C13orf42: variants seen among roughly 807,000 people sequenced by gnomAD.
The protein encoded by C13orf42 is uncharacterized protein C13orf42.
chr13:51,131,427 A>G (rs1335987297), intron 1 of C13orf42, among the ~76,000 whole-genome samples: 3 of 148,890 alleles, frequency 2.0e-5, no homozygotes, highest in African/African-American at 7.4e-5. Flanking sequence ...CTGGCCTCAC[A>G]CCTTGTCTAC....
chr13:51,096,396 G>A (rs535436481), intron 1 of C13orf42, among the ~76,000 whole-genome samples: 1 of 152,298 alleles, frequency 6.6e-6, no homozygotes, highest in South Asian at 2.1e-4. Flanking sequence ...TTGTAAGGTT[G>A]AGAGTGACAT....
intron 1 of C13orf42, among the ~76,000 whole-genome samples, chr13:51,159,824 C>A (rs1423564669): frequency 6.6e-6 from 1 of 152,104 alleles, no homozygotes; most frequent in Non-Finnish European, 1.5e-5. Context: ...TTCATTTTGA[C>A]GCTGCTGATA....
intron 1 of C13orf42, among the ~76,000 whole-genome samples, chr13:51,102,696 G>A (rs1953306840): frequency 6.6e-6 from 1 of 152,172 alleles, no homozygotes; most frequent in Non-Finnish European, 1.5e-5. Context: ...TGACTGTGGT[G>A]AGTGACCAGT....
intron 1 of C13orf42, among the ~76,000 whole-genome samples, chr13:51,120,223 A>G (rs1053279382): frequency 2.0e-5 from 3 of 152,176 alleles, no homozygotes; most frequent in African/African-American, 7.2e-5. Flanking sequence ...ATCTCACTGA[A>G]TCCTATAACT....
At chr13:51,100,890 G>A (rs186522055) in intron 1 of C13orf42, among the ~76,000 whole-genome samples, 171 of 152,262 alleles carry the variant, frequency 1.1e-3, no homozygotes, top group African/African-American at 3.4e-3. Context: ...GCAATTGTTT[G>A]TAGAAGGTGA....
intron 1 of C13orf42, among the ~76,000 whole-genome samples, chr13:51,132,916 ATGATGAGAGTGACCAC>A (rs1953629240): frequency 6.6e-6 from 1 of 152,222 alleles, no homozygotes; most frequent in Admixed American, 6.5e-5. Flanking sequence ...AACCAAGATG[ATGATGAGAGTGACCAC>A]TGGTCGTCCT....
intron 1 of C13orf42, among the ~76,000 whole-genome samples, chr13:51,142,738 G>A (rs1953705366): frequency 6.6e-6 from 1 of 151,532 alleles, no homozygotes; most frequent in Non-Finnish European, 1.5e-5. Flanking sequence ...AATATGTAAA[G>A]AAAGTAATAC....
intron 1 of C13orf42, among the ~76,000 whole-genome samples, chr13:51,105,236 G>C (rs932595211): frequency 6.6e-6 from 1 of 152,182 alleles, no homozygotes; most frequent in Non-Finnish European, 1.5e-5. Flanking sequence ...CTCTCACTAA[G>C]ATGCAGTTCA....
chr13:51,114,152 A>C (rs1230931694), upstream of C13orf42, among the ~76,000 whole-genome samples: 2 of 152,244 alleles, frequency 1.3e-5, no homozygotes, highest in Non-Finnish European at 2.9e-5. Context: ...GCCTGCTCCT[A>C]GATGAGCCTG....
intron 2 of C13orf42, among the ~76,000 whole-genome samples, chr13:51,085,763 A>C (rs1343492254): frequency 3.3e-5 from 5 of 152,218 alleles, no homozygotes; most frequent in Non-Finnish European, 4.4e-5. Context: ...AAAAATGGGG[A>C]CATAGGCCAG....
rs1248066486 is a variant in C13orf42, at chr13:51,082,971, C to T, written c.*1180G>A. ...TAAGAATATCATCCCACAGGCATGG[C>T]AGAAAGGAAGCCTCTGTTCAGTTCT... On this transcript the variant is annotated 3_prime_UTR_variant, in exon 4 of 4. Transcript: ENST00000563710. The T allele has an allele frequency of 6.6e-6, 1 of 152,194 alleles. No individual in the cohort carries two copies. The highest frequency in any genetic ancestry group is 1.9e-4 in the East Asian group (1 of 5,204). The allele number at this position is 152,194 out of a possible 1,614,324, so 9.4% of individuals were successfully genotyped here. A position where few individuals can be genotyped will look rare whatever the true frequency, so the allele number is the denominator to read the frequency against.
chr13:51,095,245 A>T (rs942789880), intron 1 of C13orf42, among the ~76,000 whole-genome samples: 1 of 152,042 alleles, frequency 6.6e-6, no homozygotes, highest in African/African-American at 2.4e-5. Flanking sequence ...CTGTGTAATG[A>T]GTCATTTTTC....
At chr13:51,130,041 G>A (rs1953604707) in intron 1 of C13orf42, among the ~76,000 whole-genome samples, 1 of 152,166 alleles carries the variant, frequency 6.6e-6, no homozygotes, top group Admixed American at 6.5e-5. Context: ...ATTTGTATGT[G>A]TTGTGTGTGT....
At chr13:51,101,807 T>C (rs1953295672) in intron 1 of C13orf42, among the ~76,000 whole-genome samples, 1 of 152,168 alleles carries the variant, frequency 6.6e-6, no homozygotes, top group African/African-American at 2.4e-5. Context: ...GGAAATCCAC[T>C]GTGTGGAATT....
At chr13:51,107,995 G>A (rs1332267858) in intron 1 of C13orf42, among the ~76,000 whole-genome samples, 1 of 152,200 alleles carries the variant, frequency 6.6e-6, no homozygotes, top group African/African-American at 2.4e-5. Context: ...TCACAGTTCT[G>A]GAGGCCAGAA....
At chr13:51,161,022 G>C (rs1446241892) in intron 1 of C13orf42, among the ~76,000 whole-genome samples, 4 of 145,514 alleles carry the variant, frequency 2.7e-5, no homozygotes, top group Non-Finnish European at 4.5e-5. Flanking sequence ...GAAAACTCAA[G>C]AGATATCTGT....
At chr13:51,167,229 C>T (rs998545488) in intron 1 of C13orf42, among the ~76,000 whole-genome samples, 1 of 152,136 alleles carries the variant, frequency 6.6e-6, no homozygotes, top group Non-Finnish European at 1.5e-5. Context: ...AAAGGAAGCA[C>T]AAACACATAC....
At chr13:51,098,680 A>G (rs1440312662) in intron 1 of C13orf42, among the ~76,000 whole-genome samples, 1 of 152,072 alleles carries the variant, frequency 6.6e-6, no homozygotes, top group Non-Finnish European at 1.5e-5. Context: ...ACAACTCCCA[A>G]TGTTCTGCTT....
In C13orf42 at chr13:51,082,560, A is replaced by G. The variant is rs1953076027; in HGVS notation, c.*1591T>C. The G allele has an allele frequency of 6.6e-6, 1 of 152,236 alleles. No homozygotes were observed. The highest frequency in any genetic ancestry group is 1.5e-5 in the Non-Finnish European group (1 of 68,042). 9.4% of individuals were successfully genotyped at this position (152,236 alleles called of 1,614,324 possible). A position where few individuals can be genotyped will look rare whatever the true frequency, so the allele number is the denominator to read the frequency against. ...CCTTTATCCTGAGTTTATCCCCAAC[A>G]ATGAACTTTTATAGATGAGGCTTCA... On this transcript the variant is annotated 3_prime_UTR_variant, in exon 4 of 4. Coordinates refer to ENST00000563710, the MANE Select transcript of C13orf42 (RefSeq NM_001351589.3).
Sources: allele counts gnomAD v4.1 joint callset (sites outside exome capture counted in the v4.1 genomes callset), GRCh38; gene constraint gnomAD v4.1.1; transcripts MANE v1.5; gene names NCBI Gene and HGNC (gene_info 2026-07-23, HGNC 2026-07-21).